PCMTD1: variants seen among roughly 807,000 people sequenced by gnomAD.
PCMTD1 encodes the protein protein-L-isoaspartate (D-aspartate) O-methyltransferase domain containing 1, also known as protein-L-isoaspartate O-methyltransferase domain-containing protein 1.
PCMTD1 carries 12 observed loss-of-function variants against 37.6 expected under a neutral mutation model. The ratio of observed to expected loss-of-function variants is 0.32; its 90% CI spans 0.20 to 0.52. The LOEUF is 0.52. Ranked by LOEUF, PCMTD1 falls within the 20% of genes least tolerant of loss-of-function variation. The pLI, the probability that PCMTD1 is intolerant of heterozygous loss-of-function variation, is 0.97. For synonymous variants in PCMTD1, 117 were observed against 135.8 expected (o/e 0.86, Z 0.96); for missense variants, 235 against 421.3 (o/e 0.56, Z 3.87).
chr8:51,833,250 C>T (rs2038020925), intron 4 of PCMTD1, among the ~76,000 whole-genome samples: 1 of 152,158 alleles, frequency 6.6e-6, no homozygotes, highest in Admixed American at 6.5e-5. Flanking sequence ...AAGGAGGAAG[C>T]AGCTTGCTGA....
chr8:51,865,541 G>A (rs557535223), intron 1 of PCMTD1, among the ~76,000 whole-genome samples: 188 of 152,054 alleles, frequency 1.2e-3, no homozygotes, highest in African/African-American at 4.1e-3. Context: ...ATAATGTGAT[G>A]GATGTACCAT....
intron 2 of PCMTD1, among the ~76,000 whole-genome samples, chr8:51,859,962 C>T (rs942750702): frequency 6.6e-6 from 1 of 152,160 alleles, no homozygotes; most frequent in Admixed American, 6.5e-5. Context: ...GTATGCCACA[C>T]AGTAGCGGCC....
intron 1 of PCMTD1, among the ~76,000 whole-genome samples, chr8:51,862,030 T>C (rs558197433): frequency 6.6e-6 from 1 of 152,282 alleles, no homozygotes; most frequent in Admixed American, 6.5e-5. Flanking sequence ...TCTTAATCAC[T>C]GAGCCACACT....
At position 51,898,936 on chromosome 8, in the gene PCMTD1, C is replaced by A; in HGVS notation, c.-102G>T. On this transcript the variant is annotated 5_prime_UTR_variant, in exon 1 of 6. Coordinates refer to ENST00000522514, the MANE Select transcript of PCMTD1 (RefSeq NM_052937.4). The stretch of plus-strand genomic sequence containing the variant: ...CCACTGGCGGCGGCGTTACCTGTGG[C>A]GCGGGCAGCGGCGCGCAGGCCAGGC... 7.2e-7 allele frequency: 1 copy of A among 1,387,830 alleles called. No individual in the cohort carries two copies. Among genetic ancestry groups the A allele is most frequent in the Non-Finnish European group, 9.3e-7 (1 of 1,072,280 alleles). 86.0% of individuals were successfully genotyped at this position (1,387,830 alleles called of 1,614,324 possible).
At chr8:51,824,177 G>A (rs1386525081) in intron 5 of PCMTD1, among the ~76,000 whole-genome samples, 1 of 152,182 alleles carries the variant, frequency 6.6e-6, no homozygotes, top group African/African-American at 2.4e-5. Flanking sequence ...ATTCAACATA[G>A]TATTGGAAGT....
At chr8:51,858,022 A>AATC (rs1429389899) in intron 2 of PCMTD1, among the ~76,000 whole-genome samples, 3 of 152,114 alleles carry the variant, frequency 2.0e-5, no homozygotes, top group African/African-American at 7.2e-5. Context: ...TAATAATAAT[A>AATC]ATAAAAGAAA....
chr8:51,887,752 T>TTC (rs1554527116), intron 1 of PCMTD1, among the ~76,000 whole-genome samples: 1 of 150,228 alleles, frequency 6.7e-6, no homozygotes, highest in Non-Finnish European at 1.5e-5. Context: ...TTTCTTTTTT[T>TTC]TTTTTTTTGA....
chr8:51,838,458 C>G (rs1036034835), intron 3 of PCMTD1, among the ~76,000 whole-genome samples: 1 of 152,012 alleles, frequency 6.6e-6, no homozygotes, highest in Non-Finnish European at 1.5e-5. Context: ...CCACTGCACT[C>G]CAGCCTGTGC....
At chr8:51,828,197 T>C (rs141375631) in intron 5 of PCMTD1, among the ~76,000 whole-genome samples, 8 of 152,206 alleles carry the variant, frequency 5.3e-5, no homozygotes, top group Non-Finnish European at 7.4e-5. Flanking sequence ...ATGATACTTA[T>C]GGTTGGGTCA....
At chr8:51,856,783 A>G (rs558953332) in intron 2 of PCMTD1, among the ~76,000 whole-genome samples, 146 of 152,354 alleles carry the variant, frequency 9.6e-4, no homozygotes, top group Non-Finnish European at 1.9e-3. Flanking sequence ...GATTTCATTT[A>G]TATGAAATGT....
At chr8:51,840,098 CAA>C (rs529966949) in intron 3 of PCMTD1, among the ~76,000 whole-genome samples, 29 of 152,226 alleles carry the variant, frequency 1.9e-4, no homozygotes, top group African/African-American at 6.3e-4. Flanking sequence ...TCAAATGAAT[CAA>C]AGTCATCTCA....
At chr8:51,887,445 T>A (rs1474238623) in intron 1 of PCMTD1, among the ~76,000 whole-genome samples, 1 of 152,214 alleles carries the variant, frequency 6.6e-6, no homozygotes, top group African/African-American at 2.4e-5. Context: ...ATATGCTTAT[T>A]ATTACTTGAC....
intron 2 of PCMTD1, among the ~76,000 whole-genome samples, chr8:51,857,554 G>A (rs1200287030): frequency 6.6e-6 from 1 of 152,086 alleles, no homozygotes; most frequent in African/African-American, 2.4e-5. Context: ...GGACGTGGGA[G>A]GCTGCTTTAT....
chr8:51,864,992 A>G lies in PCMTD1; in HGVS notation c.-95-3746T>C, dbSNP rs897396494. Among the ~76,000 whole-genome samples the G allele has an allele frequency of 5.9e-5, 9 of 152,152 alleles. 1 individual carries two copies. The highest frequency in any genetic ancestry group is 2.2e-4 in the African/African-American group (9 of 41,468). On this transcript the variant is annotated intron_variant, in intron 1 of 5. Coordinates refer to ENST00000522514, the MANE Select transcript of PCMTD1 (RefSeq NM_052937.4). ...GGCTCTAACAATAAAGTCAGAAATG[A>G]AAGAGGAGATACCACAACTCAGAAG... is the stretch of plus-strand genomic sequence containing the variant.
At chr8:51,857,058 G>A (rs1423797639) in intron 2 of PCMTD1, among the ~76,000 whole-genome samples, 1 of 152,232 alleles carries the variant, frequency 6.6e-6, no homozygotes, top group Non-Finnish European at 1.5e-5. Context: ...GAGCACTGAG[G>A]TCAAAGGCAA....
At chr8:51,828,633 C>A (rs908476585) in intron 5 of PCMTD1, among the ~76,000 whole-genome samples, 2 of 152,174 alleles carry the variant, frequency 1.3e-5, no homozygotes, top group African/African-American at 4.8e-5. Context: ...TGCTGTGTTG[C>A]CAGCATTAAA....
chr8:51,843,191 T>C (rs551239838), intron 3 of PCMTD1, among the ~76,000 whole-genome samples: 12 of 151,792 alleles, frequency 7.9e-5, no homozygotes, highest in African/African-American at 1.2e-4. Flanking sequence ...AAAAAAACCA[T>C]TGAATCCAGC....
chr8:51,897,520 A>T (rs1171092265), intron 1 of PCMTD1, among the ~76,000 whole-genome samples: 1 of 152,232 alleles, frequency 6.6e-6, no homozygotes, highest in Non-Finnish European at 1.5e-5. Context: ...GAAAAAAATG[A>T]AATAAAAAAA....
Position 51,818,075 on chromosome 8 carries a change from T to G in PCMTD1, c.*2276A>C. The G allele has an allele frequency of 2.6e-6, 1 of 385,694 alleles. No individual in the cohort carries two copies. The highest frequency in any genetic ancestry group is 2.0e-5 in the South Asian group (1 of 50,004). The allele number at this position is 385,694 out of a possible 1,614,324, so 23.9% of individuals were successfully genotyped here. A position where few individuals can be genotyped will look rare whatever the true frequency, so the allele number is the denominator to read the frequency against. On this transcript the variant is annotated 3_prime_UTR_variant, in exon 6 of 6. Coordinates refer to ENST00000522514, the MANE Select transcript of PCMTD1 (RefSeq NM_052937.4). ...ATAAAGCGTAATTTTCCATATCAAG[T>G]AAACATAAATTCATTAAAAAATAAA...
Sources: gnomAD v4.1 joint callset for allele counts (sites outside exome capture counted in the v4.1 genomes callset) on GRCh38, gnomAD v4.1.1 for gene constraint, MANE v1.5 for transcripts, NCBI Gene and HGNC (gene_info 2026-07-23, HGNC 2026-07-21) for gene names.